Variants in MYBPC3 observed in about 807,000 individuals in gnomAD.
The protein encoded by MYBPC3 is myosin-binding protein C, cardiac-type.
Under a neutral mutation model 159.3 loss-of-function variants are expected in MYBPC3, and 108 were observed. The ratio of observed to expected loss-of-function variants is 0.68; its 90% confidence interval spans 0.58 to 0.80. The LOEUF (loss-of-function observed/expected upper bound fraction) is 0.80. Ranked by LOEUF, MYBPC3 falls within the 30% of genes least tolerant of loss-of-function variation. The pLI, the probability that MYBPC3 is intolerant of heterozygous loss-of-function variation, is 0.00. For missense variants in MYBPC3, 1,631 were observed against 1,762.1 expected (o/e 0.93, Z 1.33); for synonymous variants, 730 against 702.0 (o/e 1.04, Z -0.63).
At chr11:47,347,051 C>T (rs756267771) in intron 9 of MYBPC3, 22 bp from the exon 10 acceptor site, 1 of 830,592 alleles carries the variant, frequency 1.2e-6, no homozygotes, top group South Asian at 1.3e-5. Context: ...CAGCAGCAGC[C>T]ATAATGGAGG....
intron 12 of MYBPC3, among the ~76,000 whole-genome samples, chr11:47,344,069 A>G (rs2095891980): frequency 6.6e-6 from 1 of 152,120 alleles, no homozygotes; most frequent in African/African-American, 2.4e-5. Context: ...GATTACAGGC[A>G]TGGTGTCTTC....
chr11:47,341,044 G>A lies in MYBPC3; in HGVS notation c.1898-12C>T. ...GTCAATCTTGACCTCTGCAAGAGAA[G>A]GAAGAGCAAGTAGCACGGGGGCAAA... is the stretch of plus-strand genomic sequence containing the variant. On this transcript the variant is annotated splice_polypyrimidine_tract_variant and intron_variant, in intron 19 of 34. Coordinates refer to ENST00000545968, the MANE Select transcript of MYBPC3 (RefSeq NM_000256.3). The A allele has an allele frequency of 6.3e-7, 1 of 1,575,910 alleles. No individual in the cohort carries two copies. Among genetic ancestry groups the A allele is most frequent in the Non-Finnish European group, 8.6e-7 (1 of 1,159,826 alleles).
Position 47,343,246 on chromosome 11 carries a change from A to C in MYBPC3, c.1226+14T>G. The C allele has an allele frequency of 6.4e-7, 1 of 1,569,116 alleles. No homozygotes were observed. The highest frequency in any genetic ancestry group is 1.2e-5 in the South Asian group (1 of 85,902). ...CTGTGCCCCCCACCCCAAGCCATCC[A>C]GAGGGGAACTTACTTGCTGTAGAAC... is the stretch of plus-strand genomic sequence containing the variant. On this transcript the variant is annotated intron_variant, in intron 14 of 34. Transcript: ENST00000545968.
chr11:47,333,881 G>GTTC, intron 28 of MYBPC3, 41 bp downstream of exon 28: 1 of 1,555,266 alleles, frequency 6.4e-7, no homozygotes, highest in Non-Finnish European at 8.7e-7. Context: ...ACACACTATA[G>GTTC]CCTCTCTCCC....
At chr11:47,340,143 A>ACG (rs2095886904) in intron 20 of MYBPC3, among the ~76,000 whole-genome samples, 4 of 151,900 alleles carry the variant, frequency 2.6e-5, no homozygotes, top group African/African-American at 9.7e-5. Flanking sequence ...ACGCATATAC[A>ACG]CATACACACA....
Position 47,346,598 on chromosome 11 carries a change from G to A in MYBPC3, c.926+29C>T, listed in dbSNP as rs1169430631. On this transcript the variant is annotated intron_variant, in intron 11 of 34. Transcript: ENST00000545968. This position sits in a 1 kb window ranked among gnomAD's most constrained non-coding sequence, Gnocchi z 5.3. ...GGCTCCTGGCAGAATTAGGGGTGAT[G>A]AGGGTGCTGTGCTATGTTGGGCACT... is the stretch of plus-strand genomic sequence containing the variant. 1.3e-6 allele frequency: 2 copies of A among 1,564,506 alleles called. No individual in the cohort carries two copies. The highest frequency in any genetic ancestry group is 1.7e-6 in the Non-Finnish European group (2 of 1,153,260).
chr11:47,342,597 C>G lies in MYBPC3; in HGVS notation c.1605G>C (p.Leu535=). The change falls in exon 17 of 35, where the codon CTG becomes CTC. Residue 535 remains leucine, a synonymous_variant. Coordinates refer to ENST00000545968, the MANE Select transcript of MYBPC3 (RefSeq NM_000256.3). ...YALCTSGGQA[L]AELIVQEKKL... ...GCTCACCCTGCACAATGAGCTCAGC[C>G]AGCGCCTGGCCCCCGCTAGTGCACA... is the stretch of plus-strand genomic sequence containing the variant. The G allele has an allele frequency of 6.2e-7, 1 of 1,608,524 alleles. No homozygotes were observed. The highest frequency in any genetic ancestry group is 8.5e-7 in the Non-Finnish European group (1 of 1,176,870).
chr11:47,350,653 A>T, intron 2 of MYBPC3, 38 bp from the exon 3 acceptor site: 2 of 1,438,022 alleles, frequency 1.4e-6, no homozygotes, highest in Non-Finnish European at 1.8e-6. Context: ...TGCAGCCACT[A>T]ACCAGAGACC....
chr11:47,342,552 T>C, intron 17 of MYBPC3, 26 bp downstream of exon 17: 1 of 1,545,166 alleles, frequency 6.5e-7, no homozygotes, highest in South Asian at 1.2e-5. Flanking sequence ...CCCTAAAGCC[T>C]CATGTGCCCC....
At chr11:47,343,913 C>T (rs182390361) in intron 12 of MYBPC3, among the ~76,000 whole-genome samples, 9 of 152,288 alleles carry the variant, frequency 5.9e-5, no homozygotes, top group East Asian at 1.9e-4. Context: ...CTCGGCCTCC[C>T]GAGTAGCTGG....
At position 47,335,980 on chromosome 11, in the gene MYBPC3, T is replaced by C; in HGVS notation, c.2634A>G (p.Val878=). The change falls in exon 26 of 35, where the codon GTA becomes GTG. Residue 878 remains valine, a synonymous_variant. Transcript: ENST00000545968. ...GPPSEPTHLA[V]EDVSDTTVSL... is the part of the protein sequence containing the mutation. Reference sequence around the variant, plus strand: ...AGACCGTGGTGTCAGAGACGTCCTCTACTGCCAGGTGGGTGGGTTCGCTGG... The same window carrying C: ...AGACCGTGGTGTCAGAGACGTCCTCCACTGCCAGGTGGGTGGGTTCGCTGG... The C allele has an allele frequency of 1.3e-6, 2 of 1,544,706 alleles. No homozygotes were observed. The highest frequency in any genetic ancestry group is 1.7e-6 in the Non-Finnish European group (2 of 1,145,172).
At chr11:47,336,146 A>G in intron 25 of MYBPC3, 135 bp from the exon 26 acceptor site, 1 of 890,372 alleles carries the variant, frequency 1.1e-6, no homozygotes, top group Non-Finnish European at 1.5e-6. Context: ...ACTTTAAGGA[A>G]TATTTTGTCC....
chr11:47,352,533 C>G, intron 1 of MYBPC3, 90 bp downstream of exon 1: 1 of 1,529,472 alleles, frequency 6.5e-7, no homozygotes. Context: ...TCCTCGTCAA[C>G]CCCCTCAAGA....
In MYBPC3 at chr11:47,332,335, C is replaced by A; in HGVS notation, c.3628-77G>T. ...CTGGCAGGGACCCAGGGAGACACAT[C>A]TGTGTTTCTACTCGGGGGGTCCCAC... On this transcript the variant is annotated intron_variant, in intron 32 of 34. Transcript: ENST00000545968. The surrounding 1 kb of genome is among the most constrained non-coding windows in gnomAD (Gnocchi z 4.2). 6.5e-7 allele frequency: 1 copy of A among 1,534,620 alleles called. No homozygotes were observed.
chr11:47,341,126 G>T lies in MYBPC3; in HGVS notation c.1897+12C>A. On this transcript the variant is annotated intron_variant, in intron 19 of 34. Transcript: ENST00000545968. Reference sequence around the variant, plus strand: ...CACTGCCCCGACCCACCCTACCCTGGAGCAGGCTCACCCATGAAGTGGAGC... The same window carrying T: ...CACTGCCCCGACCCACCCTACCCTGTAGCAGGCTCACCCATGAAGTGGAGC... The T allele has an allele frequency of 6.3e-7, 1 of 1,583,394 alleles. No individual in the cohort carries two copies. The highest frequency in any genetic ancestry group is 1.2e-5 in the South Asian group (1 of 86,944).
At position 47,351,204 on chromosome 11, in the gene MYBPC3, G is replaced by A. The variant is rs2095900484; in HGVS notation, c.292+35C>T. 7.4e-7 allele frequency: 1 copy of A among 1,348,164 alleles called. No individual in the cohort carries two copies. The allele number at this position is 1,348,164 out of a possible 1,614,324, so 83.5% of individuals were successfully genotyped here. ...TCGCTGGGCTGCCCCTCCCCCAGCAGCCCAAACCTCAGGGAAGGCTGATCA... is the reference window on the plus strand; with the variant it reads ...TCGCTGGGCTGCCCCTCCCCCAGCAACCCAAACCTCAGGGAAGGCTGATCA... On this transcript the variant is annotated intron_variant, in intron 2 of 34. Coordinates refer to ENST00000545968, the MANE Select transcript of MYBPC3 (RefSeq NM_000256.3). The surrounding 1 kb of genome is among the most constrained non-coding windows in gnomAD (Gnocchi z 4.2).
At chr11:47,352,481 C>A in intron 1 of MYBPC3, 142 bp downstream of exon 1, 1 of 1,053,498 alleles carries the variant, frequency 9.5e-7, no homozygotes, top group Non-Finnish European at 1.4e-6. Context: ...AAAAAGGACC[C>A]TGGAGGACTG....
At position 47,347,431 on chromosome 11, in the gene MYBPC3, T is replaced by C. The variant is rs1239077592; in HGVS notation, c.900A>G (p.Lys300=). Residue 300 remains lysine, a synonymous_variant, in exon 9 of 35, where the codon AAA becomes AAG. Coordinates refer to ENST00000545968, the MANE Select transcript of MYBPC3 (RefSeq NM_000256.3). ...AACTGCCACCCAGGACTCACCTCTT[T>C]TTCAGCAGTGAGCTGAAGTCCAGAA... ...TGILDFSSLL[K]KRDSFRTPRD... 1 of 1,586,960 alleles carries C rather than the reference T, an allele frequency of 6.3e-7. No homozygotes were observed. Among genetic ancestry groups the C allele is most frequent in the Non-Finnish European group, 8.6e-7 (1 of 1,166,986 alleles).
intron 33 of MYBPC3, 29 bp from the exon 34 acceptor site, chr11:47,331,910 T>A: frequency 1.9e-6 from 3 of 1,608,218 alleles, no homozygotes; most frequent in Non-Finnish European, 2.5e-6. Flanking sequence ...TGTCACTGTG[T>A]CCTCCCAGCC....
Sources: gnomAD v4.1 joint callset for allele counts (sites outside exome capture counted in the v4.1 genomes callset) on GRCh38, gnomAD v4.1.1 for gene constraint, Gnocchi (gnomAD v3.1) non-coding constraint, MANE v1.5 for transcripts, NCBI Gene and HGNC (gene_info 2026-07-23, HGNC 2026-07-21) for gene names.